Variants in PHYKPL observed in about 807,000 individuals in gnomAD.
The protein encoded by PHYKPL is 5-phosphonooxy-L-lysine phospho-lyase.
Under a neutral mutation model 51.3 loss-of-function variants are expected in PHYKPL, and 42 were observed. The observed-to-expected ratio is 0.82, with a 90% CI of 0.64 to 1.06. The LOEUF (loss-of-function observed/expected upper bound fraction) is 1.06, where lower values mean the gene tolerates loss of function less well. Ranked by LOEUF, PHYKPL falls within the 50% of genes least tolerant of loss-of-function variation. PHYKPL has a pLI of 0.00. For missense variants in PHYKPL, 655 were observed against 586.6 expected (o/e 1.12, Z -1.20); for synonymous variants, 264 against 236.0 (o/e 1.12, Z -1.09).
At chr5:178,226,655 T>C (rs1467115493) in intron 3 of PHYKPL, 1 of 152,114 alleles carries the variant, frequency 6.6e-6, no homozygotes, top group East Asian at 1.9e-4. Context: ...GGAAGCTTCA[T>C]GACAGCAGCA....
intron 8 of PHYKPL, among the ~76,000 whole-genome samples, chr5:178,218,248 G>GA (rs1760364792): frequency 7.3e-6 from 1 of 136,226 alleles, no homozygotes; most frequent in Non-Finnish European, 1.6e-5. Context: ...AGAAAGAAAA[G>GA]AAAAACAGTC....
Position 178,232,587 on chromosome 5 carries a change from G to A in PHYKPL, c.-37C>T, listed in dbSNP as rs1279978142. ...GTCAGTCGGTGCCGTGACGCCACGC[G>A]GAGACGTCGCCGCGCGGGCTGGGCC... On this transcript the variant is annotated 5_prime_UTR_variant, in exon 1 of 13. Coordinates refer to ENST00000308158, the MANE Select transcript of PHYKPL (RefSeq NM_153373.4). 12 of 1,248,338 alleles carry A rather than the reference G, an allele frequency of 9.6e-6. No homozygotes were observed. The Admixed American group carries it at 1.3e-4, about 13-fold the overall frequency. The allele number at this position is 1,248,338 out of a possible 1,614,324, so 77.3% of individuals were successfully genotyped here.
chr5:178,232,463 C>G, intron 1 of PHYKPL, 29 bp downstream of exon 1: 1 of 1,358,716 alleles, frequency 7.4e-7, no homozygotes, highest in Non-Finnish European at 9.4e-7. Context: ...AGCCCCGCGC[C>G]CCCCGCCGCC....
chr5:178,218,532 G>A (rs1224750560), intron 8 of PHYKPL, among the ~76,000 whole-genome samples: 1 of 152,098 alleles, frequency 6.6e-6, no homozygotes, highest in Non-Finnish European at 1.5e-5. Context: ...TCACCCTTTC[G>A]ACAATATGAG....
At chr5:178,213,214 G>T in intron 10 of PHYKPL, 111 bp from the exon 11 acceptor site, 2 of 1,412,266 alleles carry the variant, frequency 1.4e-6, no homozygotes, top group Non-Finnish European at 1.9e-6. Flanking sequence ...CCATGGGCCA[G>T]TTCCTGCCAG....
At chr5:178,207,688 GCAC>G (rs1292852952), downstream of PHYKPL, among the ~76,000 whole-genome samples, 1 of 122,898 alleles carries the variant, frequency 8.1e-6, no homozygotes, top group Non-Finnish European at 1.6e-5. Flanking sequence ...TCCACTTTGA[GCAC>G]TTTTTTTTTT....
intron 8 of PHYKPL, among the ~76,000 whole-genome samples, chr5:178,221,905 A>G (rs1761242064): frequency 6.6e-6 from 1 of 152,198 alleles, no homozygotes; most frequent in Non-Finnish European, 1.5e-5. Flanking sequence ...AGGGCCACTG[A>G]ATATGCCATG....
chr5:178,210,648 A>G, intron 12 of PHYKPL: 2 of 1,570,024 alleles, frequency 1.3e-6, no homozygotes, highest in South Asian at 1.1e-5. Context: ...CGACCAACTG[A>G]TCGCACACAT....
At chr5:178,229,835 T>G (rs770611494) in intron 3 of PHYKPL, 105 bp downstream of exon 3, 1 of 1,441,298 alleles carries the variant, frequency 6.9e-7, no homozygotes, top group Admixed American at 1.9e-5. Flanking sequence ...GGGGGCTGCC[T>G]CTCCGAGTCC....
At chr5:178,210,588 C>T (rs915619597) in intron 12 of PHYKPL, 11 of 1,614,094 alleles carry the variant, frequency 6.8e-6, no homozygotes, top group East Asian at 2.2e-5. Flanking sequence ...GAGCCAGCGA[C>T]GTGGTGGCCA....
chr5:178,229,919 G>T (rs1763043231), intron 3 of PHYKPL, 21 bp downstream of exon 3: 1 of 1,610,032 alleles, frequency 6.2e-7, no homozygotes, highest in Non-Finnish European at 8.5e-7. Context: ...TCTTCCCGGG[G>T]GCTGGCCACA....
Position 178,208,621 on chromosome 5 carries a change from C to G in PHYKPL, c.*326G>C, listed in dbSNP as rs1226197858. The G allele has an allele frequency of 6.6e-6, 1 of 152,178 alleles. No homozygotes were observed. Among genetic ancestry groups the G allele is most frequent in the Admixed American group, 6.5e-5 (1 of 15,280 alleles). The allele number at this position is 152,178 out of a possible 1,614,324, so 9.4% of individuals were successfully genotyped here. A position where few individuals can be genotyped will look rare whatever the true frequency, so the allele number is the denominator to read the frequency against. On this transcript the variant is annotated 3_prime_UTR_variant, in exon 13 of 13. Transcript: ENST00000308158. Reference sequence around the variant, plus strand: ...TACTATTTTTAATGGGTGTGCATGTCAGGATTTTCTTTAGAAATACACTGG... The same window carrying G: ...TACTATTTTTAATGGGTGTGCATGTGAGGATTTTCTTTAGAAATACACTGG...
At position 178,232,028 on chromosome 5, in the gene PHYKPL, G is replaced by A. The variant is rs1031008387; in HGVS notation, c.59+464C>T. On this transcript the variant is annotated intron_variant, in intron 1 of 12. Coordinates refer to ENST00000308158, the MANE Select transcript of PHYKPL (RefSeq NM_153373.4). ...CGTCCCACCGAGGGCCCCCTCACAG[G>A]TCAAGTGTGCTGCCTGTGAACCGAC... is the stretch of plus-strand genomic sequence containing the variant. The A allele has an allele frequency of 3.2e-5, 39 of 1,200,248 alleles. No individual in the cohort carries two copies. The African/African-American group carries it at 4.1e-4, about 13-fold the overall frequency. 74.3% of individuals were successfully genotyped at this position (1,200,248 alleles called of 1,614,324 possible).
intron 2 of PHYKPL, 54 bp downstream of exon 2, chr5:178,231,351 G>A (rs1763362064): frequency 6.2e-7 from 1 of 1,613,070 alleles, no homozygotes; most frequent in Non-Finnish European, 8.5e-7. Flanking sequence ...TTGGGACCAG[G>A]TTCACAGCAC....
intron 6 of PHYKPL, chr5:178,224,086 T>C (rs1258905811): frequency 1.7e-5 from 4 of 230,560 alleles, no homozygotes; most frequent in Non-Finnish European, 3.4e-5. Flanking sequence ...CCTGCCTGCC[T>C]CTCCAGGATC....
chr5:178,217,702 CAA>C (rs1397921488), intron 8 of PHYKPL, among the ~76,000 whole-genome samples: 1 of 146,182 alleles, frequency 6.8e-6, no homozygotes, highest in Non-Finnish European at 1.5e-5. Flanking sequence ...ACTAAAAATA[CAA>C]AAGATTAGCT....
intron 10 of PHYKPL, 149 bp downstream of exon 10, chr5:178,214,647 C>T (rs1759377205): frequency 4.5e-6 from 3 of 672,798 alleles, no homozygotes; most frequent in African/African-American, 3.6e-5. Flanking sequence ...CCAACAACTG[C>T]CCCCACCCGC....
At chr5:178,220,729 A>AC (rs1274654817) in intron 8 of PHYKPL, among the ~76,000 whole-genome samples, 2 of 68,950 alleles carry the variant, frequency 2.9e-5, no homozygotes, top group African/African-American at 1.8e-4. Flanking sequence ...TGCAAAAAAA[A>AC]AAAAAAAACA....
intron 3 of PHYKPL, chr5:178,225,745 T>A: frequency 3.0e-6 from 1 of 336,478 alleles, no homozygotes; most frequent in East Asian, 6.0e-5. Context: ...CACAGAAGAC[T>A]TCTGTGACTC....
Sources: allele counts gnomAD v4.1 joint callset (sites outside exome capture counted in the v4.1 genomes callset), GRCh38; gene constraint gnomAD v4.1.1; transcripts MANE v1.5; gene names NCBI Gene and HGNC (gene_info 2026-07-23, HGNC 2026-07-21).